AP3D1: variants seen among roughly 807,000 people sequenced by gnomAD.
AP3D1 encodes the protein AP-3 complex subunit delta-1.
Under a neutral mutation model 147.6 loss-of-function variants are expected in AP3D1, and 51 were observed. The observed-to-expected ratio is 0.35, with a 90% CI of 0.28 to 0.44. The LOEUF (loss-of-function observed/expected upper bound fraction) is 0.44, where lower values mean the gene tolerates loss of function less well. Among genes scored for constraint, AP3D1 ranks in the 20% least tolerant of loss-of-function variants. The pLI, the probability that AP3D1 is intolerant of heterozygous loss-of-function variation, is 1.00. For missense variants in AP3D1, 1,421 were observed against 1,624.2 expected, an observed-to-expected ratio of 0.87 and a Z score of 2.15; for synonymous variants, 760 against 663.0, an observed-to-expected ratio of 1.15 and a Z score of -2.25.
chr19:2,138,582 C>T (rs779972818), intron 2 of AP3D1, 37 bp downstream of exon 2: 21 of 1,521,456 alleles, frequency 1.4e-5, no homozygotes, highest in Admixed American at 5.0e-5. Context: ...AGAAGCAGCC[C>T]GACAGTGCTG....
chr19:2,146,012 G>A (rs2019346854), intron 1 of AP3D1, among the ~76,000 whole-genome samples: 1 of 150,686 alleles, frequency 6.6e-6, no homozygotes, highest in Non-Finnish European at 1.5e-5. Context: ...GCTGCTGGGA[G>A]AAGCTCTGTG....
At chr19:2,116,573 C>G (rs886453499) in intron 17 of AP3D1, 32 bp downstream of exon 17, 3 of 1,543,936 alleles carry the variant, frequency 1.9e-6, no homozygotes, top group African/African-American at 2.7e-5. Flanking sequence ...AGGGAGGAGA[C>G]GAGGGCTCGC....
chr19:2,119,587 TTG>T (rs2018553400), intron 14 of AP3D1, among the ~76,000 whole-genome samples: 1 of 151,334 alleles, frequency 6.6e-6, no homozygotes, highest in Non-Finnish European at 1.5e-5. Flanking sequence ...TCCCAGCTAC[TTG>T]CGAGGCTGAG....
chr19:2,118,280 A>G (rs1221353275), intron 15 of AP3D1, among the ~76,000 whole-genome samples: 2 of 152,168 alleles, frequency 1.3e-5, no homozygotes, highest in Non-Finnish European at 2.9e-5. Context: ...CAGCCACCAG[A>G]AAGAGCCACT....
chr19:2,149,961 G>A (rs895156796), intron 1 of AP3D1, among the ~76,000 whole-genome samples: 8 of 152,268 alleles, frequency 5.3e-5, no homozygotes, highest in Admixed American at 4.6e-4. Flanking sequence ...AACCAAAGCA[G>A]TTAGGGAGAG....
rs2018591864 is a variant in AP3D1, at chr19:2,120,949, C to A, written c.1394G>T (p.Ser465Ile). Residue 465 changes from serine to isoleucine, a missense_variant, in exon 14 of 32, where the codon AGT becomes ATT. By Grantham distance (142) the Ser-to-Ile change is moderately radical. Transcript: ENST00000643116. ...AVSQMSALLD[S>I]AHLLASSTQR... is the part of the protein sequence containing the mutation. ...GGTGCTGCTGGCCAGCAGGTGTGCA[C>A]TGTCAAGCAGCGCAGACATCTGGGA... The A allele has an allele frequency of 1.2e-6, 2 of 1,612,178 alleles. No homozygotes were observed. Among genetic ancestry groups the A allele is most frequent in the Non-Finnish European group, 1.7e-6 (2 of 1,180,018 alleles).
upstream of AP3D1, among the ~76,000 whole-genome samples, chr19:2,152,037 A>G (rs1191025675): frequency 2.0e-5 from 3 of 152,188 alleles, no homozygotes; most frequent in Non-Finnish European, 4.4e-5. Flanking sequence ...GCCTCACAAC[A>G]TCCTGTGAAA....
chr19:2,139,624 G>A (rs1013967833), intron 1 of AP3D1, among the ~76,000 whole-genome samples: 6 of 152,216 alleles, frequency 3.9e-5, no homozygotes, highest in Middle Eastern at 3.2e-3. Flanking sequence ...GGAGAGGAGG[G>A]AGCAGCAGAG....
chr19:2,127,373 C>T (rs1020827638), intron 8 of AP3D1, among the ~76,000 whole-genome samples, 172 bp from the exon 9 acceptor site: 2 of 152,192 alleles, frequency 1.3e-5, no homozygotes, highest in African/African-American at 2.4e-5. Context: ...GGCTGGTCAT[C>T]GTCTCATCTT....
intron 12 of AP3D1, 33 bp from the exon 13 acceptor site, chr19:2,121,344 G>A (rs752175526): frequency 2.7e-5 from 44 of 1,609,982 alleles, no homozygotes; most frequent in Middle Eastern, 3.3e-4. Flanking sequence ...TGGTGAGAGC[G>A]GACCCAGCCT....
At chr19:2,127,374 G>A (rs1226274272) in intron 8 of AP3D1, among the ~76,000 whole-genome samples, 173 bp from the exon 9 acceptor site, 6 of 152,202 alleles carry the variant, frequency 3.9e-5, no homozygotes, top group African/African-American at 9.6e-5. Flanking sequence ...GCTGGTCATC[G>A]TCTCATCTTC....
intron 26 of AP3D1, 126 bp from the exon 27 acceptor site, chr19:2,111,022 G>T: frequency 1.8e-6 from 2 of 1,122,312 alleles, no homozygotes; most frequent in Non-Finnish European, 1.3e-6. Context: ...ACGGAGAGGG[G>T]CGCCCCCTAG....
chr19:2,129,697 A>G (rs2018881744), intron 6 of AP3D1, among the ~76,000 whole-genome samples: 1 of 152,176 alleles, frequency 6.6e-6, no homozygotes, highest in Non-Finnish European at 1.5e-5. Flanking sequence ...GTTGCCAGGA[A>G]CAAGTGCGCA....
chr19:2,138,541 G>C lies in AP3D1; in HGVS notation c.192+78C>G, dbSNP rs566754778. ...CCAATGACTGACAGGTGGACAGACA[G>C]GCTGATGAATAGGGGACACGTGCTG... On this transcript the variant is annotated intron_variant, in intron 2 of 31. Transcript: ENST00000643116. 36 of 1,111,046 alleles carry C rather than the reference G, an allele frequency of 3.2e-5. No individual in the cohort carries two copies. In the African/African-American group the frequency reaches 4.7e-4, roughly 15 times the overall value. 68.8% of individuals were successfully genotyped at this position (1,111,046 alleles called of 1,614,324 possible). A position where few individuals can be genotyped will look rare whatever the true frequency, so the allele number is the denominator to read the frequency against.
At chr19:2,150,762 TCCGGGGGCGGGGC>T (rs1293929379) in intron 1 of AP3D1, among the ~76,000 whole-genome samples, 5 of 151,792 alleles carry the variant, frequency 3.3e-5, no homozygotes, top group Non-Finnish European at 7.4e-5. Context: ...CCGGGGAGGG[TCCGGGGGCGGGGC>T]CCGGGCCCCT....
intron 9 of AP3D1, among the ~76,000 whole-genome samples, chr19:2,124,694 G>A (rs546168438): frequency 6.6e-5 from 10 of 152,252 alleles, no homozygotes; most frequent in South Asian, 4.1e-4. Flanking sequence ...TAATCCCAGC[G>A]CTTTGGGAGG....
At chr19:2,137,442 T>C (rs757391423) in intron 3 of AP3D1, among the ~76,000 whole-genome samples, 25 of 152,006 alleles carry the variant, frequency 1.6e-4, no homozygotes, top group Non-Finnish European at 3.1e-4. Flanking sequence ...GCCTCCCAAG[T>C]AGCTAGGATT....
chr19:2,143,565 G>GC (rs1314940663), intron 1 of AP3D1, among the ~76,000 whole-genome samples: 1 of 151,380 alleles, frequency 6.6e-6, no homozygotes, highest in Non-Finnish European at 1.5e-5. Flanking sequence ...TTGTATTTTT[G>GC]TGTAGAGAGG....
At chr19:2,127,234 G>T in intron 8 of AP3D1, 33 bp from the exon 9 acceptor site, 1 of 1,610,512 alleles carries the variant, frequency 6.2e-7, no homozygotes, top group South Asian at 1.1e-5. Flanking sequence ...GCGGCATGAG[G>T]ACTGGGGGCC....
Sources: allele counts gnomAD v4.1 joint callset (sites outside exome capture counted in the v4.1 genomes callset), GRCh38; gene constraint gnomAD v4.1.1; transcripts MANE v1.5; gene names NCBI Gene and HGNC (gene_info 2026-07-23, HGNC 2026-07-21).